PSD3: variants seen among roughly 807,000 people sequenced by gnomAD.
PSD3 encodes the protein PH and SEC7 domain-containing protein 3.
PSD3 carries 49 observed loss-of-function variants against 105.5 expected under a neutral mutation model. The ratio of observed to expected loss-of-function variants is 0.46; its 90% CI spans 0.37 to 0.59. The LOEUF (loss-of-function observed/expected upper bound fraction) is 0.59, where lower values mean the gene tolerates loss of function less well. PSD3 is among the 20% of genes least tolerant of loss of function. PSD3 has a pLI of 0.00. For missense variants in PSD3, 1,561 were observed against 1,263.8 expected (o/e 1.24, Z -3.57); for synonymous variants, 557 against 457.8 (o/e 1.22, Z -2.77).
chr8:19,072,419 C>G (rs1371771472), intron 1 of PSD3, among the ~76,000 whole-genome samples: 1 of 152,152 alleles, frequency 6.6e-6, no homozygotes, highest in East Asian at 1.9e-4. Flanking sequence ...CTCAATAATA[C>G]TCTTGTTTTC....
intron 14 of PSD3, among the ~76,000 whole-genome samples, chr8:18,563,307 T>C (rs960048945): frequency 3.9e-5 from 6 of 152,162 alleles, no homozygotes; most frequent in Non-Finnish European, 1.5e-5. Context: ...GTACCTGCTA[T>C]ACAGGATCTT....
rs1491360727 is a variant in PSD3 at position 18,594,250 on chromosome 8, ATT to A, written c.2481+6112_2481+6113del. Among the ~76,000 whole-genome samples, 141 of 18,608 alleles carry A rather than the reference ATT, an allele frequency of 7.6e-3. 1 individual carries two copies. The highest frequency in any genetic ancestry group is 0.028 in the African/African-American group (139 of 5,046). 12.2% of individuals were successfully genotyped at this position (18,608 alleles called of 152,430 possible). A position where few individuals can be genotyped will look rare whatever the true frequency, so the allele number is the denominator to read the frequency against. On this transcript the variant is annotated intron_variant, in intron 12 of 15. Transcript: ENST00000327040. ...TTATATAATATATATTATTATATAT[ATT>A]ATATAATATATATTATTATATATAT...
intron 13 of PSD3, 119 bp from the exon 14 acceptor site, chr8:18,572,791 C>A: frequency 8.8e-7 from 1 of 1,142,344 alleles, no homozygotes; most frequent in East Asian, 2.4e-5. Flanking sequence ...CCTCCTGGTA[C>A]AACTAATCCC....
chr8:18,777,566 A>T (rs1430798584), intron 8 of PSD3, among the ~76,000 whole-genome samples: 1 of 152,138 alleles, frequency 6.6e-6, no homozygotes, highest in Non-Finnish European at 1.5e-5. Context: ...ATACATATTT[A>T]TGGGGTACAT....
chr8:18,575,097 A>G (rs763393605), intron 13 of PSD3, 31 bp downstream of exon 13: 3 of 1,604,252 alleles, frequency 1.9e-6, no homozygotes, highest in African/African-American at 1.3e-5. Flanking sequence ...GAACTAAAAC[A>G]CAAAATCAAA....
At chr8:18,713,520 C>A (rs993931692) in intron 9 of PSD3, among the ~76,000 whole-genome samples, 1 of 152,132 alleles carries the variant, frequency 6.6e-6, no homozygotes, top group Non-Finnish European at 1.5e-5. Flanking sequence ...CATGAATGAA[C>A]TCCCATTCAC....
chr8:18,915,060 T>C lies in PSD3; in HGVS notation c.130+20974A>G, dbSNP rs78433527. 7.7e-3 allele frequency among the ~76,000 whole-genome samples: 1,161 copies of C among 151,308 alleles called. 15 individuals are homozygous for C. The highest frequency in any genetic ancestry group is 0.027 in the African/African-American group (1,110 of 40,754). On this transcript the variant is annotated intron_variant, in intron 2 of 15. Coordinates refer to ENST00000327040, the MANE Select transcript of PSD3 (RefSeq NM_015310.4). Reference sequence around the variant, plus strand: ...AATAAAGCCTTACTTTTATAGTCAATTGATCTTTGACAAAGGTATCAAGGA... The same window carrying C: ...AATAAAGCCTTACTTTTATAGTCAACTGATCTTTGACAAAGGTATCAAGGA...
chr8:18,974,975 A>C (rs1031212004), intron 1 of PSD3, among the ~76,000 whole-genome samples: 13 of 151,964 alleles, frequency 8.6e-5, no homozygotes, highest in Non-Finnish European at 1.0e-4. Flanking sequence ...TTGCCATGGC[A>C]TTGGAGAAAG....
At chr8:18,765,043 T>C (rs552615261) in intron 9 of PSD3, among the ~76,000 whole-genome samples, 9 of 152,206 alleles carry the variant, frequency 5.9e-5, no homozygotes, top group South Asian at 2.1e-4. Context: ...AGAGACAACA[T>C]GAGTGGCTCT....
At position 18,580,567 on chromosome 8, in the gene PSD3, A is replaced by T. The variant is rs578211081; in HGVS notation, c.2482-5282T>A. ...TCTGTGTCAAAAAACAAACAAAAAA[A>T]CAAGCCCCCAAAACAAAACACAAAC... On this transcript the variant is annotated intron_variant, in intron 12 of 15. Coordinates refer to ENST00000327040, the MANE Select transcript of PSD3 (RefSeq NM_015310.4). Among the ~76,000 whole-genome samples, 15 of 152,216 alleles carry T rather than the reference A, an allele frequency of 9.9e-5. No homozygotes were observed. In the South Asian group the frequency reaches 3.1e-3, roughly 32 times the overall value.
chr8:19,030,746 C>T (rs1033444780), intron 1 of PSD3, among the ~76,000 whole-genome samples: 5 of 152,092 alleles, frequency 3.3e-5, no homozygotes, highest in African/African-American at 1.2e-4. Flanking sequence ...TCCTGTCCAT[C>T]CCCGTATCAA....
Position 18,888,989 on chromosome 8 carries a change from C to T in PSD3, c.131-16256G>A, listed in dbSNP as rs370884953. On this transcript the variant is annotated intron_variant, in intron 2 of 15. Transcript: ENST00000327040. Reference sequence around the variant, plus strand: ...AAAGCACCCCTTACCCACCACAGACCTCCCACCCCCACCCACCATCTTCAC... The same window carrying T: ...AAAGCACCCCTTACCCACCACAGACTTCCCACCCCCACCCACCATCTTCAC... 5.4e-4 allele frequency among the ~76,000 whole-genome samples: 82 copies of T among 152,224 alleles called. 2 individuals are homozygous for T. In the South Asian group the frequency reaches 0.017, roughly 31 times the overall value.
At chr8:18,870,247 A>G (rs1278785055) in intron 3 of PSD3, among the ~76,000 whole-genome samples, 1 of 152,300 alleles carries the variant, frequency 6.6e-6, no homozygotes, top group African/African-American at 2.4e-5. Flanking sequence ...CGTATAAACT[A>G]TAAAATGTGG....
intron 9 of PSD3, among the ~76,000 whole-genome samples, chr8:18,754,751 T>C (rs1805882218): frequency 6.6e-6 from 1 of 152,198 alleles, no homozygotes. Flanking sequence ...GTTTTCACTT[T>C]TTTTAGTCAT....
At chr8:19,081,081 A>C (rs1164307126) in intron 1 of PSD3, among the ~76,000 whole-genome samples, 1 of 152,170 alleles carries the variant, frequency 6.6e-6, no homozygotes, top group African/African-American at 2.4e-5. Flanking sequence ...GGGCAGCAGC[A>C]CATGAGGCCT....
chr8:18,616,322 T>G (rs953451802), intron 11 of PSD3, among the ~76,000 whole-genome samples: 1 of 152,206 alleles, frequency 6.6e-6, no homozygotes, highest in Non-Finnish European at 1.5e-5. Flanking sequence ...CTTTGACATA[T>G]TTTTGAGATG....
chr8:18,567,758 C>T (rs549088087), intron 14 of PSD3, among the ~76,000 whole-genome samples: 1 of 152,244 alleles, frequency 6.6e-6, no homozygotes, highest in East Asian at 1.9e-4. Context: ...TCAAAGAAGG[C>T]CAATGTGGTT....
At chr8:18,797,158 C>A (rs909077005) in intron 8 of PSD3, among the ~76,000 whole-genome samples, 1 of 152,022 alleles carries the variant, frequency 6.6e-6, no homozygotes, top group Non-Finnish European at 1.5e-5. Flanking sequence ...ACTATATATT[C>A]AACAGACTTG....
intron 1 of PSD3, among the ~76,000 whole-genome samples, chr8:18,975,797 T>A (rs538731275): frequency 6.6e-6 from 1 of 152,014 alleles, no homozygotes; most frequent in African/African-American, 2.4e-5. Context: ...AATAAACATA[T>A]GGAAAATGTC....
Sources: gnomAD v4.1 joint callset for allele counts (sites outside exome capture counted in the v4.1 genomes callset) on GRCh38, gnomAD v4.1.1 for gene constraint, MANE v1.5 for transcripts, NCBI Gene and HGNC (gene_info 2026-07-23, HGNC 2026-07-21) for gene names.